The following SHLD2 variants were observed in gnomAD, a reference collection of about 807,000 sequenced individuals.
SHLD2 encodes shieldin complex subunit 2, also known as RINN1-REV7-interacting novel NHEJ regulator 2.
In SHLD2, 30 loss-of-function variants were observed where a neutral mutation model predicts 73.2. The observed-to-expected ratio is 0.41, with a 90% confidence interval of 0.31 to 0.56. SHLD2 has a LOEUF of 0.56. Ranked by LOEUF, SHLD2 falls within the 20% of genes least tolerant of loss-of-function variation. SHLD2 has a pLI of 0.28. For synonymous variants in SHLD2, 285 were observed against 370.1 expected (o/e 0.77, Z 2.64); for missense variants, 745 against 1,055.9 (o/e 0.71, Z 4.08).
chr10:87,134,189 A>G (rs538935222), intron 2 of SHLD2, among the ~76,000 whole-genome samples: 1 of 152,348 alleles, frequency 6.6e-6, no homozygotes, highest in East Asian at 1.9e-4. Flanking sequence ...GATGTACAAA[A>G]TTATAAGATA....
At chr10:87,120,630 C>T (rs559651731) in intron 2 of SHLD2, among the ~76,000 whole-genome samples, 4 of 152,302 alleles carry the variant, frequency 2.6e-5, no homozygotes, top group South Asian at 4.1e-4. Context: ...AGACATCTCA[C>T]TGCATTTTTC....
At chr10:87,171,402 T>A (rs3129459) in intron 6 of SHLD2, among the ~76,000 whole-genome samples, 1 of 152,366 alleles carries the variant, frequency 6.6e-6, no homozygotes, top group East Asian at 1.9e-4. Flanking sequence ...AATAAATTAC[T>A]GTTTCATATT....
chr10:87,124,296 G>A (rs1473593305), intron 2 of SHLD2, among the ~76,000 whole-genome samples: 1 of 151,506 alleles, frequency 6.6e-6, no homozygotes, highest in Non-Finnish European at 1.5e-5. Flanking sequence ...CAGCACTTTG[G>A]GAGGCTGAGG....
In SHLD2 at chr10:87,152,242, T is replaced by C; in HGVS notation, c.888T>C (p.Phe296=). Residue 296 remains phenylalanine, a synonymous_variant, in exon 3 of 10, where the codon TTT becomes TTC. Transcript: ENST00000298786. ...PEENSIQLDG[F]TEAYESGQNQ... The stretch of plus-strand genomic sequence containing the variant: ...AGAATTCGATTCAGCTTGATGGTTT[T>C]ACAGAAGCATATGAAAGTGGACAAA... 4 of 1,572,712 alleles carry C rather than the reference T, an allele frequency of 2.5e-6. No homozygotes were observed. The highest frequency in any genetic ancestry group is 3.5e-6 in the Non-Finnish European group (4 of 1,155,470).
chr10:87,124,555 A>G (rs1843850540), intron 2 of SHLD2, among the ~76,000 whole-genome samples: 1 of 152,108 alleles, frequency 6.6e-6, no homozygotes, highest in African/African-American at 2.4e-5. Flanking sequence ...AAAAAAGTCT[A>G]TGTGGAAGAT....
In SHLD2 at chr10:87,152,259, G is replaced by A. The variant is rs776562213; in HGVS notation, c.905G>A (p.Ser302Asn). 13 of 1,562,452 alleles carry A rather than the reference G, an allele frequency of 8.3e-6. No homozygotes were observed. The highest frequency in any genetic ancestry group is 1.4e-5 in the African/African-American group (1 of 72,418). The change falls in exon 3 of 10, where the codon AGT becomes AAT. Residue 302 changes from serine to asparagine, a missense_variant. Coordinates refer to ENST00000298786, the MANE Select transcript of SHLD2 (RefSeq NM_001330112.2). ...QLDGFTEAYE[S>N]GQNQAYSLEL... ...GATGGTTTTACAGAAGCATATGAAA[G>A]TGGACAAAACCAAGCATATTCCCTT...
At chr10:87,095,130 G>A (rs1272594920), upstream of SHLD2, 1 of 141,416 alleles carries the variant, frequency 7.1e-6, no homozygotes, top group African/African-American at 2.6e-5. Context: ...GGAGAGTGGA[G>A]GGGAACGGAC....
intron 2 of SHLD2, among the ~76,000 whole-genome samples, chr10:87,100,508 C>T (rs781749969): frequency 1.3e-5 from 2 of 148,804 alleles, no homozygotes; most frequent in African/African-American, 2.5e-5. Flanking sequence ...AATGGAGTCT[C>T]ACTCTGTTGC....
At chr10:87,100,659 G>T (rs1489615498) in intron 2 of SHLD2, among the ~76,000 whole-genome samples, 1 of 151,990 alleles carries the variant, frequency 6.6e-6, no homozygotes, top group African/African-American at 2.4e-5. Flanking sequence ...TGTATTTTCA[G>T]TAGAGATGGG....
At chr10:87,186,920 A>C (rs926655873) in intron 8 of SHLD2, among the ~76,000 whole-genome samples, 165 bp from the exon 9 acceptor site, 33 of 152,116 alleles carry the variant, frequency 2.2e-4, no homozygotes, top group Admixed American at 3.3e-4. Context: ...GAAAAAAAAA[A>C]ACCTTTTTTT....
chr10:87,119,060 C>T lies in SHLD2; in HGVS notation c.-6+22071C>T, dbSNP rs370973643. 3.8e-3 allele frequency among the ~76,000 whole-genome samples: 566 copies of T among 150,646 alleles called. 3 individuals carry two copies. The highest frequency in any genetic ancestry group is 0.012 in the African/African-American group (503 of 40,984). ...TTTTTTCTGTTTAAGGAAATAGTCT[C>T]AATCCTATACCATGAATGAATTATG... is the stretch of plus-strand genomic sequence containing the variant. On this transcript the variant is annotated intron_variant, in intron 2 of 9. Transcript: ENST00000298786.
At chr10:87,172,715 T>G (rs1032819345) in intron 6 of SHLD2, among the ~76,000 whole-genome samples, 1 of 151,870 alleles carries the variant, frequency 6.6e-6, no homozygotes, top group Non-Finnish European at 1.5e-5. Flanking sequence ...AAATATGTTA[T>G]CATATAATAA....
rs373391078 is a variant in SHLD2, at chr10:87,140,008, A to G, written c.-5-11342A>G. Among the ~76,000 whole-genome samples, 48 of 152,346 alleles carry G rather than the reference A, an allele frequency of 3.2e-4. No individual in the cohort carries two copies. The East Asian group carries it at 5.6e-3, about 18-fold the overall frequency. On this transcript the variant is annotated intron_variant, in intron 2 of 9. Transcript: ENST00000298786. The stretch of plus-strand genomic sequence containing the variant: ...ATTGAAGCACAAAGAGAAAAAAAAT[A>G]CTAGAACAAAGTTAATAGAACATCA...
chr10:87,164,114 C>T lies in SHLD2; in HGVS notation c.1633+5959C>T, dbSNP rs529465907. 3.5e-3 allele frequency among the ~76,000 whole-genome samples: 538 copies of T among 151,976 alleles called. 3 individuals carry two copies. The highest frequency in any genetic ancestry group is 0.012 in the African/African-American group (496 of 41,460). ...CTGGGACTACAGGTACGTGCCACCA[C>T]GCCCAGATAATTTTTGTATTTTTAG... On this transcript the variant is annotated intron_variant, in intron 4 of 9. Coordinates refer to ENST00000298786, the MANE Select transcript of SHLD2 (RefSeq NM_001330112.2).
At chr10:87,179,031 T>G (rs1460492804) in intron 7 of SHLD2, among the ~76,000 whole-genome samples, 1 of 152,064 alleles carries the variant, frequency 6.6e-6, no homozygotes, top group Non-Finnish European at 1.5e-5. Flanking sequence ...AAGAACAAAT[T>G]TGAAGGCTTA....
rs1049283034 is a variant in SHLD2 at position 87,182,033 on chromosome 10, G to C, written c.2399+1730G>C. On this transcript the variant is annotated intron_variant, in intron 8 of 9. Coordinates refer to ENST00000298786, the MANE Select transcript of SHLD2 (RefSeq NM_001330112.2). ...TCCACCCGTCTCAGCCTCCCAAAGT[G>C]CTGGAATTACAGGTGTGAGCCACCA... Among the ~76,000 whole-genome samples, 4 of 152,286 alleles carry C rather than the reference G, an allele frequency of 2.6e-5. No individual in the cohort carries two copies. The East Asian group carries it at 7.7e-4, about 29-fold the overall frequency.
At chr10:87,164,615 A>C (rs1847071997) in intron 4 of SHLD2, among the ~76,000 whole-genome samples, 1 of 152,144 alleles carries the variant, frequency 6.6e-6, no homozygotes, top group Non-Finnish European at 1.5e-5. Context: ...GGACTGGGTC[A>C]GGGCAAATTC....
chr10:87,185,122 G>A (rs3129420), intron 8 of SHLD2, among the ~76,000 whole-genome samples: 11 of 151,764 alleles, frequency 7.2e-5, no homozygotes, highest in African/African-American at 1.2e-4. Context: ...ATCTGCTTTC[G>A]GTCTCTATAG....
intron 2 of SHLD2, among the ~76,000 whole-genome samples, chr10:87,123,269 A>G (rs1443437129): frequency 3.3e-5 from 5 of 152,200 alleles, no homozygotes; most frequent in African/African-American, 7.2e-5. Context: ...TGAGATGTCA[A>G]TGTCTACTTT....
Sources: gnomAD v4.1 joint callset for allele counts (sites outside exome capture counted in the v4.1 genomes callset) on GRCh38, gnomAD v4.1.1 for gene constraint, MANE v1.5 for transcripts, NCBI Gene and HGNC (gene_info 2026-07-23, HGNC 2026-07-21) for gene names.